The following CAMK1D variants were observed in gnomAD, a reference collection of about 807,000 sequenced individuals.
The protein encoded by CAMK1D is calcium/calmodulin dependent protein kinase ID.
A neutral mutation model predicts 47.7 loss-of-function variants in CAMK1D; 9 were observed. That is an observed-to-expected ratio of 0.19 (90% confidence interval 0.11 to 0.33). The LOEUF (loss-of-function observed/expected upper bound fraction) is 0.33, where lower values mean the gene tolerates loss of function less well. CAMK1D is among the 10% of genes least tolerant of loss of function. CAMK1D has a pLI of 1.00. For synonymous variants in CAMK1D, 184 were observed against 184.9 expected, an observed-to-expected ratio of 0.99 and a Z score of 0.04; for missense variants, 291 against 488.7, an observed-to-expected ratio of 0.60 and a Z score of 3.81.
chr10:12,729,227 G>C (rs574101673), intron 3 of CAMK1D, among the ~76,000 whole-genome samples: 1 of 152,114 alleles, frequency 6.6e-6, no homozygotes, highest in African/African-American at 2.4e-5. Flanking sequence ...GCTGTTCTAG[G>C]TTACAAAATT....
intron 1 of CAMK1D, among the ~76,000 whole-genome samples, chr10:12,419,293 C>G (rs905889816): frequency 6.6e-6 from 1 of 151,998 alleles, no homozygotes; most frequent in African/African-American, 2.4e-5. Context: ...AAACCAAACT[C>G]AAGGAGGTGA....
At chr10:12,582,936 T>C (rs1814996016) in intron 2 of CAMK1D, among the ~76,000 whole-genome samples, 1 of 152,104 alleles carries the variant, frequency 6.6e-6, no homozygotes, top group Non-Finnish European at 1.5e-5. Flanking sequence ...GAAATTTAAA[T>C]TGGATAAAAA....
At chr10:12,556,530 T>A (rs905347104) in intron 2 of CAMK1D, among the ~76,000 whole-genome samples, 19 of 151,924 alleles carry the variant, frequency 1.3e-4, no homozygotes, top group Non-Finnish European at 8.8e-5. Context: ...ATGAGCATAG[T>A]TTGCAGGGTC....
intron 2 of CAMK1D, among the ~76,000 whole-genome samples, chr10:12,619,148 G>T (rs975751423): frequency 1.3e-5 from 2 of 152,188 alleles, no homozygotes; most frequent in African/African-American, 4.8e-5. Flanking sequence ...AGTGCTGTCT[G>T]CTAAGTAGTT....
intron 2 of CAMK1D, among the ~76,000 whole-genome samples, chr10:12,558,436 C>T (rs1836833490): frequency 6.6e-6 from 1 of 152,102 alleles, no homozygotes; most frequent in African/African-American, 2.4e-5. Flanking sequence ...TACCTATAAT[C>T]ACAGCTACTT....
At chr10:12,642,949 A>C (rs1200031651) in intron 2 of CAMK1D, among the ~76,000 whole-genome samples, 1 of 152,128 alleles carries the variant, frequency 6.6e-6, no homozygotes, top group Non-Finnish European at 1.5e-5. Context: ...AATGATTATG[A>C]AAATTAGGGG....
At chr10:12,659,274 C>T (rs1840205729) in intron 2 of CAMK1D, among the ~76,000 whole-genome samples, 1 of 152,190 alleles carries the variant, frequency 6.6e-6, no homozygotes. Context: ...TGCTGGATTT[C>T]ATGCTAAGAA....
At chr10:12,641,991 C>T (rs1839679220) in intron 2 of CAMK1D, among the ~76,000 whole-genome samples, 1 of 150,234 alleles carries the variant, frequency 6.7e-6, no homozygotes, top group Non-Finnish European at 1.5e-5. Context: ...TTGCAGTGAG[C>T]CAAGATCACG....
chr10:12,627,152 G>T (rs1399627960), intron 2 of CAMK1D, among the ~76,000 whole-genome samples: 1 of 142,552 alleles, frequency 7.0e-6, no homozygotes, highest in Non-Finnish European at 1.5e-5. Flanking sequence ...CTCGATCTCC[G>T]CTCACTGCAA....
At chr10:12,767,780 C>T (rs868844038) in intron 4 of CAMK1D, among the ~76,000 whole-genome samples, 2 of 152,170 alleles carry the variant, frequency 1.3e-5, no homozygotes, top group Non-Finnish European at 2.9e-5. Flanking sequence ...TAGTCACTCA[C>T]GCTTTAGTCT....
intron 1 of CAMK1D, among the ~76,000 whole-genome samples, chr10:12,382,892 T>G (rs1314393645): frequency 6.6e-6 from 1 of 152,108 alleles, no homozygotes; most frequent in Non-Finnish European, 1.5e-5. Context: ...CCTAGCACTT[T>G]GATTAAATGT....
At chr10:12,449,340 G>C (rs1833013871) in intron 1 of CAMK1D, among the ~76,000 whole-genome samples, 1 of 151,950 alleles carries the variant, frequency 6.6e-6, no homozygotes, top group South Asian at 2.1e-4. Context: ...CGTGTTGAGA[G>C]TATAGCATGT....
intron 8 of CAMK1D, among the ~76,000 whole-genome samples, chr10:12,823,740 T>A (rs1833097501): frequency 6.6e-6 from 1 of 151,870 alleles, no homozygotes; most frequent in African/African-American, 2.4e-5. Flanking sequence ...GAATGCAGGG[T>A]GGACGCCGTC....
chr10:12,572,666 C>T (rs980035276), intron 2 of CAMK1D, among the ~76,000 whole-genome samples: 1 of 152,102 alleles, frequency 6.6e-6, no homozygotes, highest in African/African-American at 2.4e-5. Context: ...GCATCTTGCT[C>T]TGTCGCCCAG....
chr10:12,701,874 G>A (rs1011607496), intron 3 of CAMK1D, among the ~76,000 whole-genome samples: 1 of 152,206 alleles, frequency 6.6e-6, no homozygotes, highest in Non-Finnish European at 1.5e-5. Flanking sequence ...CCCCAGCCAT[G>A]CGTTTGGAGC....
At chr10:12,575,514 A>G (rs956021768) in intron 2 of CAMK1D, among the ~76,000 whole-genome samples, 4 of 152,204 alleles carry the variant, frequency 2.6e-5, no homozygotes, top group African/African-American at 9.6e-5. Context: ...GAGGACGTCC[A>G]GGGCAAAATC....
intron 1 of CAMK1D, among the ~76,000 whole-genome samples, chr10:12,403,362 G>T (rs1839297710): frequency 6.6e-6 from 1 of 152,222 alleles, no homozygotes; most frequent in South Asian, 2.1e-4. Context: ...ATGGGTGTGG[G>T]ACCTTGGGTG....
At chr10:12,677,949 G>C (rs79309836) in intron 3 of CAMK1D, among the ~76,000 whole-genome samples, 25 of 151,976 alleles carry the variant, frequency 1.6e-4, no homozygotes, top group Non-Finnish European at 1.3e-4. Flanking sequence ...CCGGACTAAC[G>C]ATTGAATATG....
chr10:12,615,350 AATTT>A (rs2132421416), intron 2 of CAMK1D, among the ~76,000 whole-genome samples: 1 of 152,320 alleles, frequency 6.6e-6, no homozygotes, highest in East Asian at 1.9e-4. Context: ...TGGAGTAATT[AATTT>A]ACTCAAGTAT....
Sources: allele counts gnomAD v4.1 joint callset (sites outside exome capture counted in the v4.1 genomes callset), GRCh38; gene constraint gnomAD v4.1.1; transcripts MANE v1.5; gene names NCBI Gene and HGNC (gene_info 2026-07-23, HGNC 2026-07-21).